SLC35F1: variants seen among roughly 807,000 people sequenced by gnomAD.
The protein encoded by SLC35F1 is chromosome 6 open reading frame 169.
SLC35F1 carries 14 observed loss-of-function variants against 48.7 expected under a neutral mutation model. The observed-to-expected ratio is 0.29, with a 90% CI of 0.19 to 0.45. The LOEUF is 0.45. Among genes scored for constraint, SLC35F1 ranks in the 20% least tolerant of loss-of-function variants. The pLI is 1.00. For missense variants in SLC35F1, 404 were observed against 500.0 expected (o/e 0.81, Z 1.83); for synonymous variants, 190 against 202.2 (o/e 0.94, Z 0.51).
chr6:118,199,657 C>G (rs147381127), intron 2 of SLC35F1, among the ~76,000 whole-genome samples: 19 of 152,274 alleles, frequency 1.2e-4, no homozygotes, highest in African/African-American at 4.6e-4. Context: ...AGTAAATTCA[C>G]ATATGGTTGC....
At chr6:118,024,043 G>A (rs1777432476) in intron 1 of SLC35F1, among the ~76,000 whole-genome samples, 1 of 152,220 alleles carries the variant, frequency 6.6e-6, no homozygotes, top group South Asian at 2.1e-4. Context: ...GATTACTAGG[G>A]AATTAGGCTC....
intron 7 of SLC35F1, among the ~76,000 whole-genome samples, chr6:118,299,385 A>G (rs546330399): frequency 3.9e-5 from 6 of 152,268 alleles, no homozygotes; most frequent in African/African-American, 1.4e-4. Flanking sequence ...CTTCCTACCA[A>G]TGGGTCCATA....
intron 1 of SLC35F1, among the ~76,000 whole-genome samples, chr6:118,041,236 G>A (rs961266594): frequency 1.3e-5 from 2 of 152,032 alleles, no homozygotes; most frequent in African/African-American, 4.8e-5. Context: ...TGAATATTTG[G>A]GGGTTTCTCA....
chr6:118,051,718 CAA>C (rs950006521), intron 1 of SLC35F1, among the ~76,000 whole-genome samples: 19 of 152,190 alleles, frequency 1.2e-4, no homozygotes, highest in African/African-American at 4.1e-4. Flanking sequence ...GTTGAAATTA[CAA>C]AGTGCAAGAA....
At chr6:118,262,591 C>T (rs542871155) in intron 3 of SLC35F1, among the ~76,000 whole-genome samples, 8 of 152,280 alleles carry the variant, frequency 5.3e-5, no homozygotes, top group East Asian at 3.9e-4. Flanking sequence ...GCAGTCCAGA[C>T]GCTAGTGTTT....
intron 1 of SLC35F1, among the ~76,000 whole-genome samples, chr6:118,007,111 G>A (rs937424232): frequency 2.0e-5 from 3 of 151,806 alleles, no homozygotes; most frequent in Non-Finnish European, 4.4e-5. Context: ...TAAAGAAAAG[G>A]AATTTATCTC....
chr6:118,176,427 T>C (rs1774489008), intron 2 of SLC35F1, among the ~76,000 whole-genome samples: 1 of 152,110 alleles, frequency 6.6e-6, no homozygotes, highest in Non-Finnish European at 1.5e-5. Flanking sequence ...ACCCTTGGGC[T>C]CAAGCGATCC....
chr6:117,997,298 T>C (rs1275932761), intron 1 of SLC35F1, among the ~76,000 whole-genome samples: 1 of 152,208 alleles, frequency 6.6e-6, no homozygotes, highest in African/African-American at 2.4e-5. Flanking sequence ...CTACGTCTGA[T>C]TGGTGTACCT....
intron 2 of SLC35F1, among the ~76,000 whole-genome samples, chr6:118,224,892 C>G (rs1458164779): frequency 5.9e-5 from 9 of 152,022 alleles, no homozygotes; most frequent in Non-Finnish European, 1.2e-4. Context: ...ATTTGGATAC[C>G]CTTTATCTCT....
intron 1 of SLC35F1, among the ~76,000 whole-genome samples, chr6:117,983,372 C>T (rs1033536177): frequency 9.2e-5 from 14 of 152,032 alleles, no homozygotes; most frequent in Non-Finnish European, 1.6e-4. Flanking sequence ...GTCAGGAGTT[C>T]GAGACCCGCC....
At chr6:118,108,236 T>A (rs1209888253) in intron 1 of SLC35F1, among the ~76,000 whole-genome samples, 1 of 152,190 alleles carries the variant, frequency 6.6e-6, no homozygotes, top group Non-Finnish European at 1.5e-5. Flanking sequence ...TGGAACTTGA[T>A]GTTTAACTGT....
chr6:117,956,520 G>A (rs1042547022), intron 1 of SLC35F1, among the ~76,000 whole-genome samples: 28 of 152,330 alleles, frequency 1.8e-4, no homozygotes, highest in Admixed American at 1.4e-3. Flanking sequence ...GCAACGCGGG[G>A]ACAGTGCCTG....
chr6:118,198,618 A>T (rs1445404081), intron 2 of SLC35F1, among the ~76,000 whole-genome samples: 1 of 152,240 alleles, frequency 6.6e-6, no homozygotes, highest in Non-Finnish European at 1.5e-5. Context: ...CATATAGAAG[A>T]ATTAAACACT....
At chr6:118,142,992 T>A (rs1337694137) in intron 1 of SLC35F1, among the ~76,000 whole-genome samples, 1 of 152,170 alleles carries the variant, frequency 6.6e-6, no homozygotes, top group Non-Finnish European at 1.5e-5. Context: ...GTTAAATGCA[T>A]AATTGATTAT....
At chr6:117,926,771 G>A (rs1190249275) in intron 1 of SLC35F1, among the ~76,000 whole-genome samples, 2 of 152,120 alleles carry the variant, frequency 1.3e-5, no homozygotes, top group African/African-American at 2.4e-5. Context: ...AGAGCACTAA[G>A]TAGCATTGGA....
At chr6:117,964,933 T>A (rs1384460231) in intron 1 of SLC35F1, among the ~76,000 whole-genome samples, 1 of 152,118 alleles carries the variant, frequency 6.6e-6, no homozygotes, top group East Asian at 1.9e-4. Flanking sequence ...TAAATGTAAC[T>A]ACATGCAGGA....
At chr6:117,966,216 C>A (rs533985537) in intron 1 of SLC35F1, among the ~76,000 whole-genome samples, 1 of 137,076 alleles carries the variant, frequency 7.3e-6, no homozygotes, top group African/African-American at 2.7e-5. Context: ...TTTGTTCTTT[C>A]GCACTTCGCA....
chr6:117,924,393 A>C (rs1193632975), intron 1 of SLC35F1, among the ~76,000 whole-genome samples: 1 of 139,296 alleles, frequency 7.2e-6, no homozygotes, highest in Admixed American at 7.2e-5. Context: ...GTATATACAC[A>C]CATAGGTACA....
At chr6:118,195,584 G>A (rs930418525) in intron 2 of SLC35F1, among the ~76,000 whole-genome samples, 2 of 151,992 alleles carry the variant, frequency 1.3e-5, no homozygotes, top group Non-Finnish European at 2.9e-5. Context: ...ATTTTCAAAA[G>A]CCAAATTTTA....
Sources: gnomAD v4.1 joint callset for allele counts (sites outside exome capture counted in the v4.1 genomes callset) on GRCh38, gnomAD v4.1.1 for gene constraint, MANE v1.5 for transcripts, NCBI Gene and HGNC (gene_info 2026-07-23, HGNC 2026-07-21) for gene names.